CDK14: variants seen among roughly 807,000 people sequenced by gnomAD.
CDK14 encodes the protein cyclin dependent kinase 14.
A neutral mutation model predicts 60.7 loss-of-function variants in CDK14; 34 were observed. The ratio of observed to expected loss-of-function variants is 0.56; its 90% confidence interval spans 0.43 to 0.75. The LOEUF (loss-of-function observed/expected upper bound fraction) is 0.75. Ranked by LOEUF, CDK14 falls within the 30% of genes least tolerant of loss-of-function variation. The probability of loss-of-function intolerance (pLI) is 0.00; values close to 1 mark genes in which losing one functional copy is unlikely to be tolerated. For missense variants in CDK14, 482 were observed against 564.1 expected (o/e 0.85, Z 1.47); for synonymous variants, 197 against 203.7 (o/e 0.97, Z 0.28).
chr7:90,853,725 A>G (rs1451562631), intron 5 of CDK14, among the ~76,000 whole-genome samples: 3 of 152,168 alleles, frequency 2.0e-5, no homozygotes, highest in African/African-American at 7.2e-5. Flanking sequence ...TGTGGTTGGC[A>G]TGTAGTAGAT....
At chr7:90,938,836 T>G (rs906812782) in intron 8 of CDK14, among the ~76,000 whole-genome samples, 2 of 152,224 alleles carry the variant, frequency 1.3e-5, no homozygotes, top group Non-Finnish European at 2.9e-5. Flanking sequence ...AAATTTGTTT[T>G]GAGACATATA....
chr7:90,838,699 A>C (rs1790194066), intron 5 of CDK14, among the ~76,000 whole-genome samples: 1 of 152,174 alleles, frequency 6.6e-6, no homozygotes, highest in African/African-American at 2.4e-5. Context: ...GGTCTCCTGC[A>C]GTGCCCTCAG....
At chr7:90,854,292 TC>T (rs1790747562) in intron 5 of CDK14, among the ~76,000 whole-genome samples, 1 of 152,136 alleles carries the variant, frequency 6.6e-6, no homozygotes, top group Non-Finnish European at 1.5e-5. Context: ...GGTGGAAGAA[TC>T]ACTTGAGTGC....
intron 9 of CDK14, among the ~76,000 whole-genome samples, chr7:90,963,646 ATG>A: frequency 6.8e-6 from 1 of 146,522 alleles, no homozygotes; most frequent in Admixed American, 6.8e-5. Flanking sequence ...GTAATAAATT[ATG>A]TGCGTATTGA....
At chr7:91,205,783 C>T (rs551356895) in intron 14 of CDK14, among the ~76,000 whole-genome samples, 40 of 152,096 alleles carry the variant, frequency 2.6e-4, no homozygotes, top group African/African-American at 8.7e-4. Flanking sequence ...GGAGAGAATG[C>T]TCTTTTTATT....
At chr7:90,726,480 G>A (rs763177842) in intron 2 of CDK14, 87 bp from the exon 3 acceptor site, 63 of 1,403,964 alleles carry the variant, frequency 4.5e-5, no homozygotes, top group Admixed American at 4.1e-4. Flanking sequence ...ACTGAAATTG[G>A]CATGCTTTCT....
intron 9 of CDK14, among the ~76,000 whole-genome samples, chr7:90,963,711 CTTTTTTTTTTT>C (rs34156393): frequency 8.1e-6 from 1 of 123,098 alleles, no homozygotes; most frequent in Non-Finnish European, 1.7e-5. Flanking sequence ...TTTTTCTTTT[CTTTTTTTTTTT>C]TTTTTTTTTT....
intron 8 of CDK14, among the ~76,000 whole-genome samples, chr7:90,955,076 A>G (rs1475848386): frequency 6.6e-6 from 1 of 152,126 alleles, no homozygotes; most frequent in African/African-American, 2.4e-5. Context: ...AATTTATCAT[A>G]TATAATCTCA....
chr7:90,984,161 A>C lies in CDK14; in HGVS notation c.961A>C (p.Ile321Leu), dbSNP rs1795315522. 3.7e-6 allele frequency: 6 copies of C among 1,608,720 alleles called. No individual in the cohort carries two copies. The highest frequency in any genetic ancestry group is 8.5e-7 in the Non-Finnish European group (1 of 1,175,244). ...TTCTCTCTCTAGGGGAGTAGGTTGC[A>C]TCTTTGTTGAAATGATCCAAGGAGT... Reference protein sequence around the residue: ...TCLDMWGVGCIFVEMIQGVAA... With the variant: ...TCLDMWGVGCLFVEMIQGVAA... Residue 321 changes from isoleucine (I) to leucine (L), a missense_variant, in exon 10 of 15, where the codon ATC (isoleucine) becomes CTC (leucine). Coordinates refer to ENST00000380050, the MANE Select transcript of CDK14 (RefSeq NM_001287135.2).
At chr7:91,076,600 C>T (rs1214384384) in intron 11 of CDK14, among the ~76,000 whole-genome samples, 4 of 152,136 alleles carry the variant, frequency 2.6e-5, no homozygotes, top group Admixed American at 6.6e-5. Flanking sequence ...GCAAAGATTT[C>T]GTGACAAAAA....
chr7:90,811,818 A>G (rs1013692554), intron 5 of CDK14, among the ~76,000 whole-genome samples: 1 of 152,236 alleles, frequency 6.6e-6, no homozygotes. Flanking sequence ...ATATGAAGAG[A>G]CACTTCTCAA....
chr7:90,967,301 A>C (rs1296800413), intron 9 of CDK14, among the ~76,000 whole-genome samples: 1 of 152,138 alleles, frequency 6.6e-6, no homozygotes. Context: ...AGCTGCCCTA[A>C]TTCTAGAGGT....
At position 90,747,712 on chromosome 7, in the gene CDK14, C is replaced by T. The variant is rs752335356; in HGVS notation, c.401C>T (p.Ser134Leu). ...AGTCCCAAATTTGGAAAAGCTGACT[C>T]ATATGAAAAGCTGGAAAAACTAGGG... ...PTSPKFGKAD[S>L]YEKLEKLGEG... Residue 134 changes from serine to leucine, a missense_variant, in exon 4 of 15, where the codon TCA (serine) becomes TTA (leucine). Ser to Leu is a moderately radical substitution (Grantham distance 145). Coordinates refer to ENST00000380050, the MANE Select transcript of CDK14 (RefSeq NM_001287135.2). 1.3e-6 allele frequency: 2 copies of T among 1,597,738 alleles called. No homozygotes were observed. Among genetic ancestry groups the T allele is most frequent in the Non-Finnish European group, 8.5e-7 (1 of 1,174,448 alleles).
At chr7:91,150,006 G>GCT (rs1313299039) in intron 14 of CDK14, among the ~76,000 whole-genome samples, 2 of 152,178 alleles carry the variant, frequency 1.3e-5, no homozygotes, top group East Asian at 3.9e-4. Context: ...GTAGGGCCCA[G>GCT]CTGCCACGGT....
chr7:90,904,877 C>T (rs1043070342), intron 7 of CDK14, among the ~76,000 whole-genome samples: 1 of 152,104 alleles, frequency 6.6e-6, no homozygotes, highest in Non-Finnish European at 1.5e-5. Context: ...AACAGTAACA[C>T]TGAAAGGGGA....
intron 2 of CDK14, among the ~76,000 whole-genome samples, chr7:90,718,144 C>G (rs1307889499): frequency 6.6e-6 from 1 of 151,980 alleles, no homozygotes. Context: ...TTGCCAGATG[C>G]TCTACAACGT....
At chr7:90,959,137 A>G (rs1465716421) in intron 9 of CDK14, among the ~76,000 whole-genome samples, 1 of 152,140 alleles carries the variant, frequency 6.6e-6, no homozygotes, top group East Asian at 1.9e-4. Context: ...TGGAAGCACA[A>G]GAAGAGTAAG....
intron 2 of CDK14, among the ~76,000 whole-genome samples, chr7:90,621,932 T>G (rs1312358610): frequency 6.6e-6 from 1 of 152,154 alleles, no homozygotes; most frequent in Non-Finnish European, 1.5e-5. Context: ...CACGCCAGTT[T>G]AAGTAGCAGC....
chr7:90,933,121 C>T (rs765935899), intron 8 of CDK14, among the ~76,000 whole-genome samples: 2 of 152,014 alleles, frequency 1.3e-5, no homozygotes, highest in Non-Finnish European at 2.9e-5. Context: ...AGGCAGATCC[C>T]TTGAGCTCAA....
Sources: gnomAD v4.1 joint callset for allele counts (sites outside exome capture counted in the v4.1 genomes callset) on GRCh38, gnomAD v4.1.1 for gene constraint, MANE v1.5 for transcripts, NCBI Gene and HGNC (gene_info 2026-07-23, HGNC 2026-07-21) for gene names.